HGD: variants seen among roughly 807,000 people sequenced by gnomAD.
HGD encodes homogentisate 1,2-dioxygenase.
In HGD, 61 loss-of-function variants were observed where a neutral mutation model predicts 60.8. The observed-to-expected ratio is 1.00, with a 90% CI of 0.82 to 1.24. HGD has a LOEUF of 1.24. Ranked by LOEUF, HGD falls within the 50% of genes most tolerant of loss-of-function variation. The pLI, the probability that HGD is intolerant of heterozygous loss-of-function variation, is 0.00. For synonymous variants in HGD, 212 were observed against 187.7 expected, an observed-to-expected ratio of 1.13 and a Z score of -1.06; for missense variants, 542 against 547.1, an observed-to-expected ratio of 0.99 and a Z score of 0.09.
rs1418197158 is a variant in HGD at position 120,638,558 on chromosome 3, C to G, written c.903G>C (p.Leu301Phe). Residue 301 changes from leucine to phenylalanine, a missense_variant, in exon 12 of 14, where the codon TTG (leucine) becomes TTC (phenylalanine). Around this residue, in one of 2 missense-constraint regions of HGD, gnomAD observed 537 missense variants for 529.1 expected, o/e 1.01. Coordinates refer to ENST00000283871, the MANE Select transcript of HGD (RefSeq NM_000187.4). ...DHADPSIFTV[L>F]TAKSVRPGVA... ...CTCCAGGGCGGACAGACTTAGCAGTCAATACTGTGAAAATGGATGGGTCCT... is the reference window on the plus strand; with the variant it reads ...CTCCAGGGCGGACAGACTTAGCAGTGAATACTGTGAAAATGGATGGGTCCT... 1.2e-6 allele frequency: 2 copies of G among 1,613,870 alleles called. No individual in the cohort carries two copies. Among genetic ancestry groups the G allele is most frequent in the South Asian group, 1.1e-5 (1 of 91,050 alleles).
At chr3:120,671,673 G>A (rs577929606) in intron 3 of HGD, among the ~76,000 whole-genome samples, 132 of 152,236 alleles carry the variant, frequency 8.7e-4, no homozygotes, top group African/African-American at 3.1e-3. Context: ...AATCTGTTAT[G>A]AAGATACATG....
intron 12 of HGD, 40 bp from the exon 13 acceptor site, chr3:120,633,368 C>T: frequency 6.2e-7 from 1 of 1,613,980 alleles, no homozygotes; most frequent in Non-Finnish European, 8.5e-7. Flanking sequence ...TTATCCAAGG[C>T]AAGACCAGTA....
chr3:120,640,557 A>G (rs569409835), intron 11 of HGD, among the ~76,000 whole-genome samples: 29 of 152,372 alleles, frequency 1.9e-4, no homozygotes, highest in African/African-American at 6.7e-4. Flanking sequence ...TAACTATTGC[A>G]GCAATACAGA....
rs1266515326 is a variant in HGD at position 120,628,472 on chromosome 3, A to G, written c.1246T>C (p.Ser416Pro). The change falls in exon 14 of 14, where the codon TCC (serine) becomes CCC (proline). Residue 416 changes from serine to proline, a missense_variant. By Grantham distance (74) the Ser-to-Pro change is moderately conservative (BLOSUM62 -1). Around this residue, in one of 2 missense-constraint regions of HGD, gnomAD observed 537 missense variants for 529.1 expected, o/e 1.01. Coordinates refer to ENST00000283871, the MANE Select transcript of HGD (RefSeq NM_000187.4). ...TGGTAGTTCTCATCCAAACACCTGGAGGCCTTGAGTCCCCACTTTGTGACC... is the reference window on the plus strand; with the variant it reads ...TGGTAGTTCTCATCCAAACACCTGGGGGCCTTGAGTCCCCACTTTGTGACC... Reference protein sequence around the residue: ...LAVTKWGLKASRCLDENYHKC... With the variant: ...LAVTKWGLKAPRCLDENYHKC... 6.2e-7 allele frequency: 1 copy of G among 1,613,926 alleles called. No homozygotes were observed. Among genetic ancestry groups the G allele is most frequent in the African/African-American group, 1.3e-5 (1 of 74,904 alleles).
intron 12 of HGD, among the ~76,000 whole-genome samples, chr3:120,634,517 ATGTGCTGGCT>A (rs1940696688): frequency 6.6e-6 from 1 of 152,090 alleles, no homozygotes; most frequent in Non-Finnish European, 1.5e-5. Context: ...ATAATTAGAT[ATGTGCTGGCT>A]AACATGAGAC....
chr3:120,678,815 G>T (rs959308983), intron 1 of HGD, among the ~76,000 whole-genome samples: 2 of 152,200 alleles, frequency 1.3e-5, no homozygotes, highest in African/African-American at 4.8e-5. Flanking sequence ...ACGGCCAAAG[G>T]CATCTGAATT....
rs745825659 is a variant in HGD, at chr3:120,638,495, C to T, written c.966G>A (p.Trp322Ter). 1.2e-6 allele frequency: 2 copies of T among 1,613,926 alleles called. No homozygotes were observed. The highest frequency in any genetic ancestry group is 1.7e-6 in the Non-Finnish European group (2 of 1,179,952). Residue 322 changes from tryptophan (W) to a stop codon, truncating the protein, a stop_gained, in exon 12 of 14, where the codon TGG (tryptophan) becomes TGA (stop). Transcript: ENST00000283871. LOFTEE classifies it high-confidence loss of function. ...GCCTGAAGGTCTTATCAGCAACCCC[C>T]CATCGAGGTGGGAAGATGACAAAAT... ...IADFVIFPPR[W>*]GVADKTFRPP...
intron 4 of HGD, among the ~76,000 whole-genome samples, chr3:120,662,969 T>C (rs950565614): frequency 6.6e-6 from 1 of 152,076 alleles, no homozygotes; most frequent in South Asian, 2.1e-4. Flanking sequence ...AATTTGGCTA[T>C]AGACACAGAG....
chr3:120,644,039 G>A (rs1159639359), intron 10 of HGD, among the ~76,000 whole-genome samples: 1 of 152,178 alleles, frequency 6.6e-6, no homozygotes, highest in Non-Finnish European at 1.5e-5. Context: ...TCATTGCTTG[G>A]TGAGTAGAAA....
chr3:120,646,317 A>G lies in HGD; in HGVS notation c.599T>C (p.Ile200Thr). The G allele has an allele frequency of 6.2e-7, 1 of 1,613,888 alleles. No individual in the cohort carries two copies. Among genetic ancestry groups the G allele is most frequent in the Non-Finnish European group, 8.5e-7 (1 of 1,179,760 alleles). ...IDVFEETRGY[I>T]LEVYGVHFEL... ...AAAGTGGACACCATAGACCTCCAAG[A>G]TGTAGCCCCTGGTCTCCTCAAAGAC... Residue 200 changes from isoleucine (I) to threonine (T), a missense_variant, in exon 9 of 14, where the codon ATC becomes ACC. By Grantham distance (89) the Ile-to-Thr change is moderately conservative (BLOSUM62 -1). Coordinates refer to ENST00000283871, the MANE Select transcript of HGD (RefSeq NM_000187.4).
At chr3:120,676,958 A>C (rs1708143107) in intron 1 of HGD, among the ~76,000 whole-genome samples, 1 of 152,210 alleles carries the variant, frequency 6.6e-6, no homozygotes, top group African/African-American at 2.4e-5. Context: ...TTAGTTCCCC[A>C]AATTAATACT....
At chr3:120,662,819 A>G (rs148962076) in intron 4 of HGD, among the ~76,000 whole-genome samples, 3 of 152,294 alleles carry the variant, frequency 2.0e-5, no homozygotes, top group Admixed American at 6.5e-5. Flanking sequence ...CTCCAAATTC[A>G]TATGTTGAAC....
At chr3:120,670,728 A>T (rs1360295201) in intron 3 of HGD, among the ~76,000 whole-genome samples, 196 bp from the exon 4 acceptor site, 1 of 152,144 alleles carries the variant, frequency 6.6e-6, no homozygotes, top group South Asian at 2.1e-4. Flanking sequence ...GCCTCTTCTC[A>T]CTTTTTCATT....
At position 120,652,646 on chromosome 3, in the gene HGD, T is replaced by C. The variant is rs776344570; in HGVS notation, c.288A>G (p.Arg96=). 1.2e-6 allele frequency: 2 copies of C among 1,611,678 alleles called. No homozygotes were observed. Among genetic ancestry groups the C allele is most frequent in the African/African-American group, 1.3e-5 (1 of 74,812 alleles). Reference sequence around the variant, plus strand: ...CTTTTGGAATCTCAAATGGTTTCCATCTAAGCTGGAAAAAAAATACACATA... The same window carrying C: ...CTTTTGGAATCTCAAATGGTTTCCACCTAAGCTGGAAAAAAAATACACATA... ...DEVDPDPNQL[R]WKPFEIPKAS... is the part of the protein sequence containing the mutation. Residue 96 remains arginine (R), a synonymous_variant, in exon 5 of 14, where the codon AGA becomes AGG. Transcript: ENST00000283871.
In HGD at chr3:120,638,463, T is replaced by G; in HGVS notation, c.998A>C (p.Tyr333Ser). Residue 333 changes from tyrosine to serine, a missense_variant, in exon 12 of 14, where the codon TAT becomes TCT. Coordinates refer to ENST00000283871, the MANE Select transcript of HGD (RefSeq NM_000187.4). ...GVADKTFRPP[Y>S]YHRNCMSEFM... is the part of the protein sequence containing the mutation. ...GTAAAAGAGAGACTTACTATGGTAA[T>G]AAGGAGGCCTGAAGGTCTTATCAGC... is the stretch of plus-strand genomic sequence containing the variant. The G allele has an allele frequency of 6.2e-7, 1 of 1,613,764 alleles. No individual in the cohort carries two copies. The highest frequency in any genetic ancestry group is 8.5e-7 in the Non-Finnish European group (1 of 1,179,876).
At chr3:120,651,566 T>C (rs549946756) in intron 5 of HGD, among the ~76,000 whole-genome samples, 1 of 152,220 alleles carries the variant, frequency 6.6e-6, no homozygotes, top group Non-Finnish European at 1.5e-5. Context: ...TATATTTAAG[T>C]GAGTCTACAA....
At chr3:120,678,449 A>C (rs1452462616) in intron 1 of HGD, among the ~76,000 whole-genome samples, 4 of 152,220 alleles carry the variant, frequency 2.6e-5, no homozygotes, top group African/African-American at 9.6e-5. Flanking sequence ...GCTTTCTGGC[A>C]GGCACTGGTG....
intron 4 of HGD, among the ~76,000 whole-genome samples, chr3:120,654,510 C>T (rs989944653): frequency 1.3e-5 from 2 of 152,208 alleles, no homozygotes; most frequent in African/African-American, 2.4e-5. Context: ...AGTCAACAAA[C>T]CAACCAACCC....
chr3:120,681,115 A>C (rs1708223064), intron 1 of HGD, among the ~76,000 whole-genome samples: 1 of 152,158 alleles, frequency 6.6e-6, no homozygotes, highest in Admixed American at 6.6e-5. Flanking sequence ...GATTCTTCAA[A>C]CTCAGAAACA....
Sources: gnomAD v4.1 joint callset for allele counts (sites outside exome capture counted in the v4.1 genomes callset) on GRCh38, gnomAD v4.1.1 for gene constraint, gnomAD v4.1.1 regional missense constraint, MANE v1.5 for transcripts, NCBI Gene and HGNC (gene_info 2026-07-23, HGNC 2026-07-21) for gene names.